The following GRIP1 variants were observed in gnomAD, a reference collection of about 807,000 sequenced individuals.
The protein encoded by GRIP1 is glutamate receptor-interacting protein 1.
In GRIP1, 45 loss-of-function variants were observed where a neutral mutation model predicts 129.9. That is an observed-to-expected ratio of 0.35 (90% CI 0.27 to 0.44). The LOEUF (loss-of-function observed/expected upper bound fraction) is 0.44. Ranked by LOEUF, GRIP1 falls within the 20% of genes least tolerant of loss-of-function variation. The pLI, the probability that GRIP1 is intolerant of heterozygous loss-of-function variation, is 1.00. For synonymous variants in GRIP1, 530 were observed against 520.8 expected, an observed-to-expected ratio of 1.02 and a Z score of -0.24; for missense variants, 1,196 against 1,396.8, an observed-to-expected ratio of 0.86 and a Z score of 2.29.
At chr12:66,940,369 A>C (rs1423328273) in intron 1 of GRIP1, among the ~76,000 whole-genome samples, 1 of 152,182 alleles carries the variant, frequency 6.6e-6, no homozygotes, top group Non-Finnish European at 1.5e-5. Flanking sequence ...AGGTGCGCTC[A>C]GTGAGTGTTA....
intron 1 of GRIP1, among the ~76,000 whole-genome samples, chr12:66,599,000 G>A (rs2064168570): frequency 6.6e-6 from 1 of 152,190 alleles, no homozygotes; most frequent in Non-Finnish European, 1.5e-5. Context: ...CATTTCAGAA[G>A]TAGTGAACCC....
chr12:66,413,429 A>T (rs2057472334), intron 15 of GRIP1, among the ~76,000 whole-genome samples: 1 of 152,136 alleles, frequency 6.6e-6, no homozygotes, highest in African/African-American at 2.4e-5. Context: ...ACCAACAACC[A>T]GTTCTGAAAT....
chr12:66,900,927 T>C (rs968214724), intron 1 of GRIP1, among the ~76,000 whole-genome samples: 1 of 152,210 alleles, frequency 6.6e-6, no homozygotes, highest in Non-Finnish European at 1.5e-5. Context: ...ACTTTCGGTC[T>C]TGGCTCTTAA....
intron 15 of GRIP1, among the ~76,000 whole-genome samples, chr12:66,412,352 C>G (rs1335673426): frequency 6.6e-6 from 1 of 152,172 alleles, no homozygotes; most frequent in African/African-American, 2.4e-5. Context: ...AAAATAATTT[C>G]CAACCCAGAA....
At chr12:66,464,656 C>G (rs538767183) in intron 8 of GRIP1, among the ~76,000 whole-genome samples, 1 of 152,222 alleles carries the variant, frequency 6.6e-6, no homozygotes, top group Admixed American at 6.5e-5. Flanking sequence ...AGTAAGAAAA[C>G]TTGCTTAGTT....
chr12:67,031,270 T>C (rs576599528), intron 1 of GRIP1, among the ~76,000 whole-genome samples: 2 of 152,334 alleles, frequency 1.3e-5, no homozygotes, highest in East Asian at 1.9e-4. Context: ...CTCTACACTG[T>C]AGAAGCCTTC....
intron 1 of GRIP1, among the ~76,000 whole-genome samples, chr12:66,597,946 T>A (rs1241094297): frequency 2.0e-5 from 3 of 152,094 alleles, no homozygotes; most frequent in Non-Finnish European, 4.4e-5. Flanking sequence ...ATGGCTTGAG[T>A]AAATAGAATG....
chr12:66,839,963 C>A (rs1427376946), intron 1 of GRIP1, among the ~76,000 whole-genome samples: 1 of 152,176 alleles, frequency 6.6e-6, no homozygotes, highest in Non-Finnish European at 1.5e-5. Flanking sequence ...CCATTATAAT[C>A]AATAAGGTTG....
intron 24 of GRIP1, among the ~76,000 whole-genome samples, chr12:66,349,682 T>A (rs2054132506): frequency 6.6e-6 from 1 of 152,024 alleles, no homozygotes. Flanking sequence ...CTGAACTACC[T>A]CTCCCACAAG....
chr12:66,811,520 T>G (rs1291800122), intron 1 of GRIP1, among the ~76,000 whole-genome samples: 1 of 152,174 alleles, frequency 6.6e-6, no homozygotes, highest in East Asian at 1.9e-4. Flanking sequence ...CTATTTAAGC[T>G]CAATGTTTGA....
chr12:66,996,291 G>A (rs1381955014), intron 1 of GRIP1, among the ~76,000 whole-genome samples: 1 of 151,836 alleles, frequency 6.6e-6, no homozygotes, highest in Non-Finnish European at 1.5e-5. Context: ...TTAAATGACT[G>A]AATTGTGTGT....
chr12:67,009,490 A>C (rs2042674444), intron 1 of GRIP1, among the ~76,000 whole-genome samples: 1 of 152,178 alleles, frequency 6.6e-6, no homozygotes, highest in South Asian at 2.1e-4. Context: ...TACAAAGAGC[A>C]CATTTTTACC....
chr12:67,006,609 T>A (rs1176181474), intron 1 of GRIP1, among the ~76,000 whole-genome samples: 2 of 152,064 alleles, frequency 1.3e-5, no homozygotes, highest in Non-Finnish European at 2.9e-5. Flanking sequence ...AATAAACATT[T>A]TAAAAGTCAC....
chr12:66,728,014 A>T (rs546740219), intron 1 of GRIP1, among the ~76,000 whole-genome samples: 1 of 152,214 alleles, frequency 6.6e-6, no homozygotes, highest in Admixed American at 6.5e-5. Flanking sequence ...AATGTTAATT[A>T]AAGTTTGTAA....
chr12:66,889,378 T>C (rs893242255), intron 1 of GRIP1, among the ~76,000 whole-genome samples: 3 of 152,112 alleles, frequency 2.0e-5, no homozygotes, highest in African/African-American at 4.8e-5. Context: ...GGAGAATCAC[T>C]TGAACCTGGG....
At chr12:66,605,856 A>G (rs1399254510) in intron 1 of GRIP1, among the ~76,000 whole-genome samples, 1 of 152,212 alleles carries the variant, frequency 6.6e-6, no homozygotes, top group Non-Finnish European at 1.5e-5. Flanking sequence ...CACTGTTTAG[A>G]CTCAGTTTCC....
chr12:66,429,742 TG>T (rs1309712363), intron 14 of GRIP1, among the ~76,000 whole-genome samples: 1 of 152,134 alleles, frequency 6.6e-6, no homozygotes, highest in Non-Finnish European at 1.5e-5. Context: ...AAAGGCTCTG[TG>T]TGTAAAGTAA....
intron 1 of GRIP1, among the ~76,000 whole-genome samples, chr12:66,846,970 T>C (rs1043009629): frequency 4.6e-5 from 7 of 152,138 alleles, no homozygotes; most frequent in African/African-American, 1.7e-4. Flanking sequence ...CCTGGTTGTC[T>C]GGCATCTGGC....
chr12:66,466,255 A>G (rs2059282858), intron 7 of GRIP1, among the ~76,000 whole-genome samples: 1 of 152,220 alleles, frequency 6.6e-6, no homozygotes, highest in South Asian at 2.1e-4. Flanking sequence ...ACTGGTTCAT[A>G]GTGGCCAGTA....
Sources: allele counts gnomAD v4.1 joint callset (sites outside exome capture counted in the v4.1 genomes callset), GRCh38; gene constraint gnomAD v4.1.1; transcripts MANE v1.5; gene names NCBI Gene and HGNC (gene_info 2026-07-23, HGNC 2026-07-21).